Variants in CUX1 observed in about 807,000 individuals in gnomAD.
The protein encoded by CUX1 is cut like homeobox 1, also known as protein CASP.
CUX1 carries 31 observed loss-of-function variants against 158.8 expected under a neutral mutation model. The ratio of observed to expected loss-of-function variants is 0.20; its 90% CI spans 0.15 to 0.26. The LOEUF (loss-of-function observed/expected upper bound fraction) is 0.26. Among genes scored for constraint, CUX1 ranks in the 10% least tolerant of loss-of-function variants. The pLI is 1.00. For missense variants in CUX1, 1,589 were observed against 2,014.6 expected (o/e 0.79, Z 4.04); for synonymous variants, 879 against 862.1 (o/e 1.02, Z -0.34).
intron 2 of CUX1, among the ~76,000 whole-genome samples, chr7:102,010,357 G>A (rs752376699): frequency 2.7e-4 from 38 of 139,428 alleles, no homozygotes; most frequent in Non-Finnish European, 4.4e-4. Context: ...TCACGCCACT[G>A]TACTCCAGCC....
intron 1 of CUX1, among the ~76,000 whole-genome samples, chr7:101,863,044 T>C (rs190575032): frequency 6.6e-6 from 1 of 152,166 alleles, no homozygotes; most frequent in South Asian, 2.1e-4. Flanking sequence ...TTCTCATCGC[T>C]CACCCGACTT....
At chr7:102,054,502 T>C (rs1823907064) in intron 3 of CUX1, among the ~76,000 whole-genome samples, 1 of 152,226 alleles carries the variant, frequency 6.6e-6, no homozygotes, top group Admixed American at 6.5e-5. Context: ...TATTGATCTG[T>C]GTGTTTATCC....
chr7:102,236,869 G>A (rs1353479677), intron 22 of CUX1, among the ~76,000 whole-genome samples: 2 of 152,168 alleles, frequency 1.3e-5, no homozygotes, highest in Non-Finnish European at 2.9e-5. Flanking sequence ...GGCTCGGGGC[G>A]CCCTCTTGTG....
intron 20 of CUX1, among the ~76,000 whole-genome samples, chr7:102,216,708 C>G (rs1296497025): frequency 6.4e-4 from 92 of 144,070 alleles, no homozygotes; most frequent in Non-Finnish European, 2.4e-4. Flanking sequence ...CCCACACGCA[C>G]TCTCCACACA....
chr7:101,981,270 T>G (rs1002456825), intron 2 of CUX1, among the ~76,000 whole-genome samples: 1 of 152,106 alleles, frequency 6.6e-6, no homozygotes, highest in African/African-American at 2.4e-5. Context: ...TCTCCTGACA[T>G]AGTATGTGTT....
intron 1 of CUX1, among the ~76,000 whole-genome samples, chr7:101,883,188 A>G (rs992450378): frequency 1.3e-5 from 2 of 152,126 alleles, no homozygotes; most frequent in Admixed American, 6.5e-5. Flanking sequence ...GGTGGCACTC[A>G]TGTACCTTGA....
chr7:102,206,925 A>G (rs1249159823), intron 20 of CUX1, among the ~76,000 whole-genome samples: 3 of 152,110 alleles, frequency 2.0e-5, no homozygotes, highest in Non-Finnish European at 4.4e-5. Flanking sequence ...CTCGTCCTAC[A>G]TAAAACAGGA....
chr7:102,137,886 TA>T (rs577126044), intron 8 of CUX1, among the ~76,000 whole-genome samples: 9 of 150,054 alleles, frequency 6.0e-5, no homozygotes, highest in East Asian at 1.9e-4. Context: ...TAATTAGCCT[TA>T]AAAAAAAAAT....
At chr7:102,203,497 A>G (rs1445046217) in intron 18 of CUX1, among the ~76,000 whole-genome samples, 1 of 152,236 alleles carries the variant, frequency 6.6e-6, no homozygotes, top group Non-Finnish European at 1.5e-5. Context: ...GGGGGCGACT[A>G]GAAATGAGGA....
chr7:102,256,534 T>A lies in CUX1; in HGVS notation c.*7492T>A, dbSNP rs1789913965. 1 of 985,270 alleles carries A rather than the reference T, an allele frequency of 1.0e-6. No homozygotes were observed. Among genetic ancestry groups the A allele is most frequent in the Non-Finnish European group, 1.2e-6 (1 of 829,930 alleles). The allele number at this position is 985,270 out of a possible 1,614,324, so 61.0% of individuals were successfully genotyped here. Reference sequence around the variant, plus strand: ...GGCAGAGGGGGTTTCCCCAGCAAAATCAAACACCTGTCTCCAGAGTAGCCA... The same window carrying A: ...GGCAGAGGGGGTTTCCCCAGCAAAAACAAACACCTGTCTCCAGAGTAGCCA... On this transcript the variant is annotated 3_prime_UTR_variant, in exon 24 of 24. Coordinates refer to ENST00000292535, the MANE Select transcript of CUX1 (RefSeq NM_181552.4).
At chr7:102,008,192 C>T (rs1265039271) in intron 2 of CUX1, among the ~76,000 whole-genome samples, 2 of 152,184 alleles carry the variant, frequency 1.3e-5, no homozygotes, top group Admixed American at 6.5e-5. Context: ...GCCGTCCACC[C>T]GCCTCTCAGG....
chr7:102,257,688 T>C lies in CUX1; in HGVS notation c.*8646T>C. ...AGGGTGGCGGAATCTTCCGGAAAACTCTCTATAAGCTCAGCTCCCCCCACC... is the reference window on the plus strand; with the variant it reads ...AGGGTGGCGGAATCTTCCGGAAAACCCTCTATAAGCTCAGCTCCCCCCACC... On this transcript the variant is annotated 3_prime_UTR_variant, in exon 24 of 24. Transcript: ENST00000292535. The C allele has an allele frequency of 1.0e-6, 1 of 984,772 alleles. No homozygotes were observed. Among genetic ancestry groups the C allele is most frequent in the Non-Finnish European group, 1.2e-6 (1 of 829,918 alleles). 61.0% of individuals were successfully genotyped at this position (984,772 alleles called of 1,614,324 possible).
intron 1 of CUX1, among the ~76,000 whole-genome samples, chr7:101,906,126 A>G (rs988398453): frequency 6.6e-6 from 1 of 151,756 alleles, no homozygotes. Context: ...GTGGCCAGCT[A>G]TTCTTTAATT....
intron 1 of CUX1, among the ~76,000 whole-genome samples, chr7:101,899,972 C>T (rs1387089396): frequency 1.3e-5 from 2 of 152,066 alleles, no homozygotes; most frequent in Admixed American, 6.6e-5. Flanking sequence ...TCATTTAGTG[C>T]GAGTTTAGGT....
chr7:102,169,401 G>A (rs1563343079), intron 9 of CUX1, among the ~76,000 whole-genome samples: 1 of 152,186 alleles, frequency 6.6e-6, no homozygotes. Context: ...AATGTTTCTA[G>A]CAGTGGAATG....
chr7:101,929,443 C>T (rs957072364), intron 2 of CUX1, among the ~76,000 whole-genome samples: 5 of 152,194 alleles, frequency 3.3e-5, no homozygotes, highest in African/African-American at 9.7e-5. Context: ...ATAACCTCAA[C>T]TGAAATGCAT....
At chr7:101,885,558 C>T (rs1456448850) in intron 1 of CUX1, among the ~76,000 whole-genome samples, 1 of 151,970 alleles carries the variant, frequency 6.6e-6, no homozygotes, top group Non-Finnish European at 1.5e-5. Flanking sequence ...GACCCTGTCC[C>T]AAAAAATAAA....
intron 8 of CUX1, among the ~76,000 whole-genome samples, chr7:102,121,645 A>G (rs1260097725): frequency 6.6e-6 from 1 of 151,978 alleles, no homozygotes; most frequent in Non-Finnish European, 1.5e-5. Flanking sequence ...TGGGATGGAT[A>G]CTTTGTTTAC....
chr7:101,894,559 G>T (rs1199761940), intron 1 of CUX1, among the ~76,000 whole-genome samples: 1 of 152,118 alleles, frequency 6.6e-6, no homozygotes, highest in East Asian at 1.9e-4. Context: ...TGATCCACCC[G>T]CCTCGGCCTC....
Sources: gnomAD v4.1 joint callset for allele counts (sites outside exome capture counted in the v4.1 genomes callset) on GRCh38, gnomAD v4.1.1 for gene constraint, MANE v1.5 for transcripts, NCBI Gene and HGNC (gene_info 2026-07-23, HGNC 2026-07-21) for gene names.